Variants in POM121L2 observed in about 807,000 individuals in gnomAD.
The protein encoded by POM121L2 is POM121-like protein 2.
For synonymous variants in POM121L2, 459 were observed against 483.8 expected (o/e 0.95, Z 0.67); for missense variants, 1,167 against 1,260.3 (o/e 0.93, Z 1.12).
At position 27,310,337 on chromosome 6, in the gene POM121L2, G is replaced by T; in HGVS notation, c.1834C>A (p.His612Asn). The change falls in exon 1 of 1, where the codon CAT (histidine) becomes AAT (asparagine). Residue 612 changes from histidine (H) to asparagine (N), a missense_variant. Physicochemically the swap from His to Asn is moderately conservative, Grantham distance 68. Coordinates refer to ENST00000444565, the MANE Select transcript of POM121L2 (RefSeq NM_033482.4). The stretch of plus-strand genomic sequence containing the variant: ...GTGGCCTTGACCAGGCCATGGAAAT[G>T]ATGGGTAGAAGCATGAGTAAATGGA... ...PPPFTHASTH[H>N]FHGLVKATSV... 1 of 1,552,274 alleles carries T rather than the reference G, an allele frequency of 6.4e-7. No individual in the cohort carries two copies. Among genetic ancestry groups the T allele is most frequent in the Non-Finnish European group, 8.7e-7 (1 of 1,147,114 alleles).
Position 27,309,381 on chromosome 6 carries a change from G to T in POM121L2, c.2790C>A (p.Asn930Lys). The T allele has an allele frequency of 6.4e-7, 1 of 1,551,658 alleles. No individual in the cohort carries two copies. ...SIGALPSGTT[N>K]TMIPFGKGWS... Reference sequence around the variant, plus strand: ...AGCCTTTTCCAAAGGGGATCATGGTGTTAGTGGTCCCACTAGGCAATGCTC... The same window carrying T: ...AGCCTTTTCCAAAGGGGATCATGGTTTTAGTGGTCCCACTAGGCAATGCTC... The change falls in exon 1 of 1, where the codon AAC becomes AAA. Residue 930 changes from asparagine to lysine, a missense_variant. Coordinates refer to ENST00000444565, the MANE Select transcript of POM121L2 (RefSeq NM_033482.4).
In POM121L2 at chr6:27,310,525, G is replaced by C; in HGVS notation, c.1646C>G (p.Ser549Cys). The C allele has an allele frequency of 6.4e-6, 10 of 1,552,210 alleles. No homozygotes were observed. Among genetic ancestry groups the C allele is most frequent in the Non-Finnish European group, 7.8e-6 (9 of 1,147,122 alleles). Residue 549 changes from serine to cysteine, a missense_variant, in exon 1 of 1, where the codon TCC (serine) becomes TGC (cysteine). Physicochemically the swap from Ser to Cys is moderately radical, Grantham distance 112. Transcript: ENST00000444565. ...TGTGACTGAAATTCTGGAATATGAG[G>C]AGCTTCCAATCTCGCTGTTGTGCAG... ...GPLHNSEIGS[S>C]SYSRISVTAA... is the part of the protein sequence containing the mutation.
Position 27,309,178 on chromosome 6 carries a change from A to G in POM121L2, c.2993T>C (p.Val998Ala), listed in dbSNP as rs1760709040. The G allele has an allele frequency of 3.9e-6, 6 of 1,551,766 alleles. No homozygotes were observed. Among genetic ancestry groups the G allele is most frequent in the East Asian group, 2.4e-5 (1 of 40,912 alleles). ...TGATGATCTAAAAGGTCCTCTCCCA[A>G]CAGAGCCCTGGGCAGGTGGAAAAGG... The part of the protein sequence containing the change: ...GMPFPPAQGS[V>A]GRGPFRSSAS... Residue 998 changes from valine to alanine, a missense_variant, in exon 1 of 1, where the codon GTT becomes GCT. Val to Ala is a moderately conservative substitution (Grantham distance 64). Transcript: ENST00000444565.
Position 27,310,086 on chromosome 6 carries a change from A to G in POM121L2, c.2085T>C (p.Thr695=), listed in dbSNP as rs1472031582. ...GGGTAAACATGGTGACTGTATGCAC[A>G]GTAGGAATTGTAGGATGGTGGTGTG... ...FPPHHHPTIP[T]VHTVTMFTQV... Residue 695 remains threonine, a synonymous_variant, in exon 1 of 1, where the codon ACT becomes ACC. Transcript: ENST00000444565. 1.9e-6 allele frequency: 3 copies of G among 1,552,058 alleles called. No individual in the cohort carries two copies. The highest frequency in any genetic ancestry group is 2.7e-5 in the African/African-American group (2 of 73,072).
chr6:27,311,846 G>T lies in POM121L2; in HGVS notation c.325C>A (p.Arg109=), dbSNP rs1389200684. ...GGGCTCCAAATTGGCCTGGGATGTC[G>T]AAGAGACCAAATAGTCCGCTTTAAG... ...SYLKRTIWSL[R]HPRPIWSPVT... The change falls in exon 1 of 1, where the codon CGA becomes AGA. Residue 109 remains arginine, a synonymous_variant. Transcript: ENST00000444565. 2 of 1,551,628 alleles carry T rather than the reference G, an allele frequency of 1.3e-6. No individual in the cohort carries two copies. The highest frequency in any genetic ancestry group is 2.7e-5 in the African/African-American group (2 of 73,048).
In POM121L2 at chr6:27,309,250, G is replaced by T; in HGVS notation, c.2921C>A (p.Pro974Gln). 1 of 1,551,834 alleles carries T rather than the reference G, an allele frequency of 6.4e-7. No individual in the cohort carries two copies. Among genetic ancestry groups the T allele is most frequent in the African/African-American group, 1.4e-5 (1 of 73,174 alleles). Residue 974 changes from proline to glutamine, a missense_variant, in exon 1 of 1, where the codon CCA (proline) becomes CAA (glutamine). Coordinates refer to ENST00000444565, the MANE Select transcript of POM121L2 (RefSeq NM_033482.4). ...GCCTGCCTTAGCTTGTCCAGGGACT[G>T]GGGTGTTTTGAGCAATGGGGGCCAT... ...KTMAPIAQNT[P>Q]VPGQAKAGSS...
Position 27,311,952 on chromosome 6 carries a change from G to C in POM121L2, c.219C>G (p.Asn73Lys), listed in dbSNP as rs1006187371. ...DPANPTTWLA[N>K]EAWRRFPMKK... ...TCATGGGAAAGCGCCTCCAGGCCTC[G>C]TTGGCCAGCCACGTGGTTGGATTGG... Residue 73 changes from asparagine to lysine, a missense_variant, in exon 1 of 1, where the codon AAC becomes AAG. Physicochemically the swap from Asn to Lys is moderately conservative, Grantham distance 94 (BLOSUM62 0). Coordinates refer to ENST00000444565, the MANE Select transcript of POM121L2 (RefSeq NM_033482.4). 35 of 1,551,520 alleles carry C rather than the reference G, an allele frequency of 2.3e-5. No homozygotes were observed. The highest frequency in any genetic ancestry group is 3.1e-5 in the Non-Finnish European group (35 of 1,146,892).
Position 27,311,476 on chromosome 6 carries a change from G to A in POM121L2, c.695C>T (p.Pro232Leu). Residue 232 changes from proline to leucine, a missense_variant, in exon 1 of 1, where the codon CCC (proline) becomes CTC (leucine). Coordinates refer to ENST00000444565, the MANE Select transcript of POM121L2 (RefSeq NM_033482.4). The stretch of plus-strand genomic sequence containing the variant: ...CAAGGAGCTCATGGAGGAGCAATTG[G>A]GCCTCTTAGTCAAGCTGTGATCTGA... ...WGSDHSLTKR[P>L]NCSSMSSLAS... 7.1e-6 allele frequency: 11 copies of A among 1,551,790 alleles called. No homozygotes were observed. Among genetic ancestry groups the A allele is most frequent in the Non-Finnish European group, 9.6e-6 (11 of 1,147,018 alleles).
At position 27,310,744 on chromosome 6, in the gene POM121L2, G is replaced by T. The variant is rs1581499839; in HGVS notation, c.1427C>A (p.Pro476Gln). 6.4e-7 allele frequency: 1 copy of T among 1,551,922 alleles called. No individual in the cohort carries two copies. The highest frequency in any genetic ancestry group is 2.4e-5 in the East Asian group (1 of 40,902). Residue 476 changes from proline (P) to glutamine (Q), a missense_variant, in exon 1 of 1, where the codon CCA becomes CAA. By Grantham distance (76) the Pro-to-Gln change is moderately conservative. Coordinates refer to ENST00000444565, the MANE Select transcript of POM121L2 (RefSeq NM_033482.4). ...AGGCGGCCAGGTGGTGTCAGTAACT[G>T]GTAATGTGGGAGAGGTGGGGGTCAG... is the stretch of plus-strand genomic sequence containing the variant. ...ILLTPTSPTL[P>Q]VTDTTWPPST... is the part of the protein sequence containing the mutation.
Position 27,310,509 on chromosome 6 carries a change from A to C in POM121L2, c.1662T>G (p.Ile554Met), listed in dbSNP as rs1291956125. The C allele has an allele frequency of 6.4e-7, 1 of 1,552,152 alleles. No individual in the cohort carries two copies. Among genetic ancestry groups the C allele is most frequent in the Non-Finnish European group, 8.7e-7 (1 of 1,147,140 alleles). ...TTGAAGATGCTGCAGCTGTGACTGA[A>C]ATTCTGGAATATGAGGAGCTTCCAA... is the stretch of plus-strand genomic sequence containing the variant. The part of the protein sequence containing the change: ...SEIGSSSYSR[I>M]SVTAAASSIS... Residue 554 changes from isoleucine to methionine, a missense_variant, in exon 1 of 1, where the codon ATT becomes ATG. Coordinates refer to ENST00000444565, the MANE Select transcript of POM121L2 (RefSeq NM_033482.4).
rs1367092122 is a variant in POM121L2, at chr6:27,309,940, C to T, written c.2231G>A (p.Ser744Asn). Reference sequence around the variant, plus strand: ...GATTGCTGGAGTCAGGTTGGAGATGCTGGGGGTTGATGCAAGCCAGTTTGT... The same window carrying T: ...GATTGCTGGAGTCAGGTTGGAGATGTTGGGGGTTGATGCAAGCCAGTTTGT... ...VSTNWLASTP[S>N]ISNLTPAITS... The change falls in exon 1 of 1, where the codon AGC (serine) becomes AAC (asparagine). Residue 744 changes from serine (S) to asparagine (N), a missense_variant. Ser to Asn is a conservative substitution (Grantham distance 46). Transcript: ENST00000444565. The T allele has an allele frequency of 7.7e-6, 12 of 1,551,726 alleles. No homozygotes were observed. The South Asian group carries it at 1.4e-4, about 18-fold the overall frequency.
chr6:27,310,850 G>A lies in POM121L2; in HGVS notation c.1321C>T (p.Pro441Ser), dbSNP rs1760735233. 2 of 1,551,608 alleles carry A rather than the reference G, an allele frequency of 1.3e-6. No individual in the cohort carries two copies. The highest frequency in any genetic ancestry group is 2.4e-5 in the East Asian group (1 of 40,924). ...AHSPLKTPSL[P>S]TPPGCSQSEL... ...GACTGTGAGCACCCAGGTGGGGTCG[G>A]TAGGCTGGGTGTCTTCAAAGGAGAA... The change falls in exon 1 of 1, where the codon CCG becomes TCG. Residue 441 changes from proline (P) to serine (S), a missense_variant. Coordinates refer to ENST00000444565, the MANE Select transcript of POM121L2 (RefSeq NM_033482.4).
rs780575091 is a variant in POM121L2, at chr6:27,310,661, T to C, written c.1510A>G (p.Ile504Val). 5.2e-6 allele frequency: 8 copies of C among 1,551,708 alleles called. No homozygotes were observed. Among genetic ancestry groups the C allele is most frequent in the Non-Finnish European group, 7.0e-6 (8 of 1,147,028 alleles). ...MPPDPPAPPT[I>V]QSTLLGMVSS... ...ACCATTCCAAGCAAAGTACTTTGGA[T>C]GGTGGGTGGTGCAGGTGGGTCTGGG... Residue 504 changes from isoleucine to valine, a missense_variant, in exon 1 of 1, where the codon ATC becomes GTC. Coordinates refer to ENST00000444565, the MANE Select transcript of POM121L2 (RefSeq NM_033482.4).
At position 27,309,502 on chromosome 6, in the gene POM121L2, G is replaced by A. The variant is rs950742438; in HGVS notation, c.2669C>T (p.Thr890Ile). 1 of 1,552,026 alleles carries A rather than the reference G, an allele frequency of 6.4e-7. No individual in the cohort carries two copies. The highest frequency in any genetic ancestry group is 2.0e-5 in the Admixed American group (1 of 51,006). The change falls in exon 1 of 1, where the codon ACT becomes ATT. Residue 890 changes from threonine (T) to isoleucine (I), a missense_variant. Coordinates refer to ENST00000444565, the MANE Select transcript of POM121L2 (RefSeq NM_033482.4). ...VFGSRAPQPF[T>I]FGGFVTPMDC... Reference sequence around the variant, plus strand: ...CATAGGGGTCACGAATCCCCCAAAAGTGAAAGGTTGTGGAGCTCTGCTGCC... The same window carrying A: ...CATAGGGGTCACGAATCCCCCAAAAATGAAAGGTTGTGGAGCTCTGCTGCC...
In POM121L2 at chr6:27,310,280, T is replaced by C; in HGVS notation, c.1891A>G (p.Thr631Ala). The C allele has an allele frequency of 6.4e-7, 1 of 1,552,382 alleles. No homozygotes were observed. Among genetic ancestry groups the C allele is most frequent in the Non-Finnish European group, 8.7e-7 (1 of 1,147,152 alleles). ...GGCTTAAAAACAGAGTCTTTAGATG[T>C]GCTGGCTAGGGTGGTGGACATGACC... ...SVVMSTTLAS[T>A]SKDSVFKPPL... The change falls in exon 1 of 1, where the codon ACA (threonine) becomes GCA (alanine). Residue 631 changes from threonine (T) to alanine (A), a missense_variant. Physicochemically the swap from Thr to Ala is moderately conservative, Grantham distance 58. Transcript: ENST00000444565.
Position 27,309,597 on chromosome 6 carries a change from A to C in POM121L2, c.2574T>G (p.Ser858Arg), listed in dbSNP as rs1172735385. 1.3e-6 allele frequency: 2 copies of C among 1,551,716 alleles called. No individual in the cohort carries two copies. Among genetic ancestry groups the C allele is most frequent in the East Asian group, 4.9e-5 (2 of 40,914 alleles). The change falls in exon 1 of 1, where the codon AGT becomes AGG. Residue 858 changes from serine to arginine, a missense_variant. Transcript: ENST00000444565. The part of the protein sequence containing the change: ...IGGIPAGFPI[S>R]QASTTGFRIV... ...TTCTAAACCCAGTTGTACTAGCTTG[A>C]CTAATGGGAAAACCTGCTGGAATGC...
rs1450744005 is a variant in POM121L2 at position 27,309,557 on chromosome 6, G to T, written c.2614C>A (p.His872Asn). ...ACTGAGCCAAAAGCCCCACTTTGGT[G>T]GGTCTGAATTACAATTCTAAACCCA... The part of the protein sequence containing the change: ...TTGFRIVIQT[H>N]QSGAFGSVFG... Residue 872 changes from histidine to asparagine, a missense_variant, in exon 1 of 1, where the codon CAC becomes AAC. Coordinates refer to ENST00000444565, the MANE Select transcript of POM121L2 (RefSeq NM_033482.4). 6 of 1,551,924 alleles carry T rather than the reference G, an allele frequency of 3.9e-6. No homozygotes were observed. The highest frequency in any genetic ancestry group is 4.4e-6 in the Non-Finnish European group (5 of 1,147,076).
Position 27,311,952 on chromosome 6 carries a change from G to T in POM121L2, c.219C>A (p.Asn73Lys). ...DPANPTTWLA[N>K]EAWRRFPMKK... ...TCATGGGAAAGCGCCTCCAGGCCTC[G>T]TTGGCCAGCCACGTGGTTGGATTGG... The change falls in exon 1 of 1, where the codon AAC (asparagine) becomes AAA (lysine). Residue 73 changes from asparagine to lysine, a missense_variant. Asn to Lys is a moderately conservative substitution (Grantham distance 94). Coordinates refer to ENST00000444565, the MANE Select transcript of POM121L2 (RefSeq NM_033482.4). 9.7e-6 allele frequency: 15 copies of T among 1,551,520 alleles called. No individual in the cohort carries two copies. The highest frequency in any genetic ancestry group is 1.3e-5 in the Non-Finnish European group (15 of 1,146,892).
At position 27,309,906 on chromosome 6, in the gene POM121L2, G is replaced by A. The variant is rs1561790149; in HGVS notation, c.2265C>T (p.Pro755=). ...ISNLTPAITS[P]LGSSSRPPFP... ...AAGGTGGCCTTGAGCTTGATCCCAAGGGACTTGTGATTGCTGGAGTCAGGT... is the reference window on the plus strand; with the variant it reads ...AAGGTGGCCTTGAGCTTGATCCCAAAGGACTTGTGATTGCTGGAGTCAGGT... The change falls in exon 1 of 1, where the codon CCC becomes CCT. Residue 755 remains proline, a synonymous_variant. Transcript: ENST00000444565. The A allele has an allele frequency of 6.4e-7, 1 of 1,551,762 alleles. No individual in the cohort carries two copies. The highest frequency in any genetic ancestry group is 1.2e-5 in the South Asian group (1 of 84,060).
Sources: allele counts gnomAD v4.1 joint callset, GRCh38; gene constraint gnomAD v4.1.1; transcripts MANE v1.5; gene names NCBI Gene and HGNC (gene_info 2026-07-23, HGNC 2026-07-21).